Variants in ELL2 observed in about 807,000 individuals in gnomAD.
The protein encoded by ELL2 is elongation factor for RNA polymerase II 2.
ELL2 carries 21 observed loss-of-function variants against 72.8 expected under a neutral mutation model. That is an observed-to-expected ratio of 0.29 (90% confidence interval 0.20 to 0.42). The LOEUF (loss-of-function observed/expected upper bound fraction) is 0.42, where lower values mean the gene tolerates loss of function less well. Ranked by LOEUF, ELL2 falls within the 10% of genes least tolerant of loss-of-function variation. ELL2 has a pLI of 1.00. For synonymous variants in ELL2, 266 were observed against 283.2 expected (o/e 0.94, Z 0.61); for missense variants, 568 against 772.8 (o/e 0.73, Z 3.14).
chr5:95,893,256 C>T (rs1369598099), intron 9 of ELL2, among the ~76,000 whole-genome samples: 1 of 152,052 alleles, frequency 6.6e-6, no homozygotes, highest in East Asian at 1.9e-4. Flanking sequence ...CTACAGTTGG[C>T]TGTTTATGTG....
intron 2 of ELL2, among the ~76,000 whole-genome samples, chr5:95,933,622 A>G (rs546666709): frequency 4.6e-5 from 7 of 152,264 alleles, no homozygotes; most frequent in African/African-American, 1.7e-4. Flanking sequence ...GGACCCTTTT[A>G]TTACTCATCT....
At chr5:95,923,191 C>G (rs945597978) in intron 2 of ELL2, among the ~76,000 whole-genome samples, 36 of 151,812 alleles carry the variant, frequency 2.4e-4, no homozygotes, top group African/African-American at 7.3e-4. Context: ...TCGAGACCAG[C>G]CCGGGCAACA....
At chr5:95,954,403 CTT>C (rs996595214) in intron 1 of ELL2, among the ~76,000 whole-genome samples, 56 of 122,458 alleles carry the variant, frequency 4.6e-4, no homozygotes, top group African/African-American at 1.3e-3. Context: ...TTAAATTATT[CTT>C]TTTTTTTTTT....
At chr5:95,961,338 T>A (rs762278030) in intron 1 of ELL2, among the ~76,000 whole-genome samples, 1 of 151,712 alleles carries the variant, frequency 6.6e-6, no homozygotes, top group Admixed American at 6.5e-5. Flanking sequence ...GACCCAGGGC[T>A]GCGGCTGCCT....
chr5:95,889,200 A>G (rs1404555805), intron 10 of ELL2, 70 bp from the exon 11 acceptor site: 3 of 1,200,072 alleles, frequency 2.5e-6, no homozygotes, highest in Non-Finnish European at 1.2e-6. Flanking sequence ...AATAGATAAC[A>G]TGCATTCAGC....
chr5:95,900,930 T>C (rs780539646), intron 6 of ELL2, 26 bp downstream of exon 6: 2 of 1,576,804 alleles, frequency 1.3e-6, no homozygotes, highest in South Asian at 1.2e-5. Context: ...AAACATTTTT[T>C]TAAAAGCAAG....
chr5:95,921,616 A>T (rs1561501539), intron 2 of ELL2, among the ~76,000 whole-genome samples: 1 of 152,220 alleles, frequency 6.6e-6, no homozygotes, highest in African/African-American at 2.4e-5. Flanking sequence ...TCTTAATCCT[A>T]CAGCAGTAGA....
chr5:95,919,851 T>C (rs1580505239), intron 2 of ELL2, among the ~76,000 whole-genome samples: 1 of 152,330 alleles, frequency 6.6e-6, no homozygotes, highest in East Asian at 1.9e-4. Flanking sequence ...ACAGTTCTTA[T>C]GAAAGAGTTA....
Position 95,961,065 on chromosome 5 carries a change from T to A in ELL2, c.147+510A>T, listed in dbSNP as rs978872057. Among the ~76,000 whole-genome samples the A allele has an allele frequency of 3.4e-5, 5 of 147,664 alleles. No individual in the cohort carries two copies. In the South Asian group the frequency reaches 8.5e-4, roughly 25 times the overall value. Reference sequence around the variant, plus strand: ...GCCTGTGTCCCCAAGTCCCTGGGAATACAAGGTCCCACCCCCACACGCGGA... The same window carrying A: ...GCCTGTGTCCCCAAGTCCCTGGGAAAACAAGGTCCCACCCCCACACGCGGA... On this transcript the variant is annotated intron_variant, in intron 1 of 11. Coordinates refer to ENST00000237853, the MANE Select transcript of ELL2 (RefSeq NM_012081.6).
intron 1 of ELL2, among the ~76,000 whole-genome samples, chr5:95,960,735 G>A (rs1259594175): frequency 1.3e-5 from 2 of 152,100 alleles, no homozygotes; most frequent in East Asian, 1.9e-4. Context: ...TCTTGCTCCC[G>A]GGGAGCGCTA....
At chr5:95,909,431 G>A (rs1050971146) in intron 4 of ELL2, among the ~76,000 whole-genome samples, 2 of 151,100 alleles carry the variant, frequency 1.3e-5, no homozygotes, top group Non-Finnish European at 2.9e-5. Context: ...TCCCTTTTGT[G>A]CCTATTCGAC....
intron 2 of ELL2, among the ~76,000 whole-genome samples, chr5:95,935,463 G>GA (rs1197404582): frequency 2.0e-5 from 3 of 152,002 alleles, no homozygotes; most frequent in Admixed American, 1.3e-4. Flanking sequence ...TTAACAGCTA[G>GA]AAAAAAAATT....
At chr5:95,938,530 C>T (rs1750858135) in intron 2 of ELL2, among the ~76,000 whole-genome samples, 1 of 152,104 alleles carries the variant, frequency 6.6e-6, no homozygotes, top group African/African-American at 2.4e-5. Flanking sequence ...TTGAGGCCAG[C>T]CTGGGCAACA....
intron 4 of ELL2, among the ~76,000 whole-genome samples, chr5:95,912,483 G>A (rs1391549858): frequency 6.6e-6 from 1 of 151,414 alleles, no homozygotes. Context: ...ATACTTAAAT[G>A]TAAGTGTGGT....
At position 95,927,420 on chromosome 5, in the gene ELL2, GACATACACACACACGTGTGTATAT is replaced by G. The variant is rs1750353291; in HGVS notation, c.196-7899_196-7876del. On this transcript the variant is annotated intron_variant, in intron 2 of 11. Coordinates refer to ENST00000237853, the MANE Select transcript of ELL2 (RefSeq NM_012081.6). ...AGACATACACACACGTGTGTATATA[GACATACACACACACGTGTGTATAT>G]AGACATACACACACACGTGTGTATA... 8.9e-5 allele frequency among the ~76,000 whole-genome samples: 3 copies of G among 33,634 alleles called. 1 individual carries two copies. Among genetic ancestry groups the G allele is most frequent in the Middle Eastern group, 0.016 (1 of 64 alleles). The allele number at this position is 33,634 out of a possible 152,430, so 22.1% of individuals were successfully genotyped here. A position where few individuals can be genotyped will look rare whatever the true frequency, so the allele number is the denominator to read the frequency against.
intron 5 of ELL2, among the ~76,000 whole-genome samples, chr5:95,903,208 C>CTTTTT (rs35628427): frequency 1.8e-5 from 1 of 56,166 alleles, no homozygotes; most frequent in Non-Finnish European, 3.1e-5. Context: ...CTCTTAGGAC[C>CTTTTT]TTTTTTTTTT....
chr5:95,892,862 T>G (rs1404954376), intron 9 of ELL2, among the ~76,000 whole-genome samples: 2 of 152,202 alleles, frequency 1.3e-5, no homozygotes, highest in Admixed American at 1.3e-4. Flanking sequence ...AGTGATAGTC[T>G]GCTGATGTAA....
chr5:95,910,717 C>A (rs1749557296), intron 4 of ELL2, among the ~76,000 whole-genome samples: 1 of 152,178 alleles, frequency 6.6e-6, no homozygotes, highest in Non-Finnish European at 1.5e-5. Context: ...ACGCTACCAC[C>A]ATGCCACAGT....
At chr5:95,901,995 T>C (rs1315432578) in intron 5 of ELL2, among the ~76,000 whole-genome samples, 3 of 152,240 alleles carry the variant, frequency 2.0e-5, no homozygotes, top group African/African-American at 7.2e-5. Context: ...TTTTGGATCA[T>C]GGTTGACCAT....
Sources: gnomAD v4.1 joint callset for allele counts (sites outside exome capture counted in the v4.1 genomes callset) on GRCh38, gnomAD v4.1.1 for gene constraint, MANE v1.5 for transcripts, NCBI Gene and HGNC (gene_info 2026-07-23, HGNC 2026-07-21) for gene names.